IRAK1BP1: variants seen among roughly 807,000 people sequenced by gnomAD.
IRAK1BP1 encodes the protein interleukin-1 receptor-associated kinase 1-binding protein 1.
In IRAK1BP1, 24 loss-of-function variants were observed where a neutral mutation model predicts 28.0. The ratio of observed to expected loss-of-function variants is 0.86; its 90% CI spans 0.62 to 1.20. The LOEUF is 1.20. Ranked by LOEUF, IRAK1BP1 falls within the 50% of genes most tolerant of loss-of-function variation. The probability of loss-of-function intolerance (pLI) is 0.00; values close to 1 mark genes in which losing one functional copy is unlikely to be tolerated. For synonymous variants in IRAK1BP1, 131 were observed against 116.3 expected, an observed-to-expected ratio of 1.13 and a Z score of -0.81; for missense variants, 336 against 316.7, an observed-to-expected ratio of 1.06 and a Z score of -0.46.
At chr6:78,892,265 A>G (rs917070045) in intron 2 of IRAK1BP1, among the ~76,000 whole-genome samples, 1 of 152,046 alleles carries the variant, frequency 6.6e-6, no homozygotes, top group African/African-American at 2.4e-5. Context: ...ATATTGTTCT[A>G]CTTATGATTT....
downstream of IRAK1BP1, among the ~76,000 whole-genome samples, chr6:78,948,581 G>T (rs1582087443): frequency 6.6e-6 from 1 of 152,080 alleles, no homozygotes; most frequent in South Asian, 2.1e-4. Flanking sequence ...TGCATCCTTG[G>T]CCTCCCAGAC....
the IRAK1BP1 span, chr6:78,955,993 C>A: frequency 5.4e-6 from 1 of 185,652 alleles, no homozygotes; most frequent in Non-Finnish European, 1.1e-5. Flanking sequence ...TCTTGTCTTC[C>A]AACTCTTTCT....
At chr6:78,893,884 C>G (rs534785856) in intron 2 of IRAK1BP1, among the ~76,000 whole-genome samples, 1 of 151,770 alleles carries the variant, frequency 6.6e-6, no homozygotes, top group Non-Finnish European at 1.5e-5. Flanking sequence ...GCCTGGGCGA[C>G]AGAGCAAGAC....
the IRAK1BP1 span, chr6:78,978,600 C>A: frequency 6.3e-7 from 1 of 1,588,730 alleles, no homozygotes; most frequent in South Asian, 1.1e-5. Context: ...ACCTCATCAC[C>A]CATCTGTGGC....
intron 4 of IRAK1BP1, among the ~76,000 whole-genome samples, chr6:78,921,512 A>G (rs1392852715): frequency 6.6e-6 from 1 of 152,222 alleles, no homozygotes; most frequent in Non-Finnish European, 1.5e-5. Flanking sequence ...GGCATAGCCA[A>G]ACAAAAGGCA....
the IRAK1BP1 span, among the ~76,000 whole-genome samples, chr6:78,953,037 GTGT>G: frequency 6.7e-6 from 1 of 150,186 alleles, no homozygotes; most frequent in East Asian, 2.0e-4. Flanking sequence ...CCTTATATAG[GTGT>G]TGTTTTTTTT....
the IRAK1BP1 span, chr6:78,957,239 ATC>A: frequency 6.6e-6 from 1 of 152,032 alleles, no homozygotes; most frequent in Non-Finnish European, 1.5e-5. Flanking sequence ...TGAATATACT[ATC>A]TCATGTAGTT....
chr6:78,959,194 G>T, the IRAK1BP1 span, among the ~76,000 whole-genome samples: 17 of 152,112 alleles, frequency 1.1e-4, no homozygotes, highest in East Asian at 3.3e-3. Flanking sequence ...TTTTATTTCT[G>T]AAAGTAAATA....
In IRAK1BP1 at chr6:78,899,845, A is replaced by T. The variant is rs1019947005; in HGVS notation, c.*1511A>T. 1 of 152,264 alleles carries T rather than the reference A, an allele frequency of 6.6e-6. No homozygotes were observed. The highest frequency in any genetic ancestry group is 1.5e-5 in the Non-Finnish European group (1 of 68,044). 9.4% of individuals were successfully genotyped at this position (152,264 alleles called of 1,614,324 possible). A position where few individuals can be genotyped will look rare whatever the true frequency, so the allele number is the denominator to read the frequency against. ...AATATATCAAAAATATTATTTCAGC[A>T]TGTAATCAGTATTTTTTAAATTGAG... On this transcript the variant is annotated 3_prime_UTR_variant, in exon 4 of 4. Transcript: ENST00000369940.
intron 4 of IRAK1BP1, chr6:78,935,850 C>A (rs1773254203): frequency 3.6e-6 from 2 of 555,024 alleles, no homozygotes; most frequent in Non-Finnish European, 4.6e-6. Context: ...AATAATAAAT[C>A]ATGAGGCTCT....
chr6:78,915,777 G>T (rs762756028), intron 4 of IRAK1BP1, among the ~76,000 whole-genome samples: 6 of 152,042 alleles, frequency 3.9e-5, no homozygotes, highest in Non-Finnish European at 7.4e-5. Flanking sequence ...ACTTTCTTTT[G>T]TAGGCATTTC....
chr6:78,893,055 A>C (rs1303144347), intron 2 of IRAK1BP1, among the ~76,000 whole-genome samples: 1 of 151,846 alleles, frequency 6.6e-6, no homozygotes, highest in Non-Finnish European at 1.5e-5. Flanking sequence ...TGGAGTCAAA[A>C]AGTTCAACTA....
At chr6:78,873,076 T>G (rs1770846917) in intron 1 of IRAK1BP1, among the ~76,000 whole-genome samples, 2 of 151,558 alleles carry the variant, frequency 1.3e-5, no homozygotes, top group African/African-American at 4.8e-5. Flanking sequence ...GCTAACACGG[T>G]GAATCCCTGT....
In IRAK1BP1 at chr6:78,899,251, C is replaced by G. The variant is rs1051758068; in HGVS notation, c.*917C>G. 2.0e-5 allele frequency: 3 copies of G among 152,178 alleles called. No individual in the cohort carries two copies. The highest frequency in any genetic ancestry group is 4.4e-5 in the Non-Finnish European group (3 of 68,038). The allele number at this position is 152,178 out of a possible 1,614,324, so 9.4% of individuals were successfully genotyped here. On this transcript the variant is annotated 3_prime_UTR_variant, in exon 4 of 4. Transcript: ENST00000369940. ...CAGGTAAAGAACAGCCAAGGTCTTT[C>G]ATGCTTGCCACACCCAGCAATATGT...
intron 4 of IRAK1BP1, among the ~76,000 whole-genome samples, chr6:78,927,158 C>T (rs1185572299): frequency 1.3e-5 from 2 of 152,072 alleles, no homozygotes; most frequent in East Asian, 3.9e-4. Flanking sequence ...AATTTACATT[C>T]CCACCAACAG....
chr6:78,878,851 C>T (rs953416373), intron 1 of IRAK1BP1, among the ~76,000 whole-genome samples: 4 of 152,092 alleles, frequency 2.6e-5, no homozygotes, highest in African/African-American at 9.7e-5. Context: ...CTACGTGACG[C>T]ATGCACAAGC....
intron 1 of IRAK1BP1, among the ~76,000 whole-genome samples, chr6:78,874,351 GGTA>G (rs781634373): frequency 8.2e-4 from 125 of 152,298 alleles, no homozygotes; most frequent in South Asian, 2.5e-3. Context: ...ACTGCTCAGA[GGTA>G]GTAGGGGAAG....
At chr6:78,911,496 C>T (rs1474680648) in intron 4 of IRAK1BP1, among the ~76,000 whole-genome samples, 2 of 152,002 alleles carry the variant, frequency 1.3e-5, no homozygotes, top group African/African-American at 4.8e-5. Context: ...TTTTATTGTG[C>T]AAAAACATCA....
chr6:78,937,182 A>G (rs1216336323), intron 4 of IRAK1BP1: 2 of 151,744 alleles, frequency 1.3e-5, no homozygotes, highest in East Asian at 3.8e-4. Context: ...GGTAACAAAA[A>G]CATTCAGAAT....
Sources: gnomAD v4.1 joint callset for allele counts (sites outside exome capture counted in the v4.1 genomes callset) on GRCh38, gnomAD v4.1.1 for gene constraint, MANE v1.5 for transcripts, NCBI Gene and HGNC (gene_info 2026-07-23, HGNC 2026-07-21) for gene names.